Variants in OCLN observed in about 807,000 individuals in gnomAD.
The protein encoded by OCLN is occludin.
In OCLN, 21 loss-of-function variants were observed where a neutral mutation model predicts 47.9. The ratio of observed to expected loss-of-function variants is 0.44; its 90% CI spans 0.31 to 0.63. OCLN has a LOEUF of 0.63. OCLN is among the 30% of genes least tolerant of loss of function. The pLI, the probability that OCLN is intolerant of heterozygous loss-of-function variation, is 0.08. For missense variants in OCLN, 360 were observed against 571.0 expected (o/e 0.63, Z 3.77); for synonymous variants, 117 against 198.4 (o/e 0.59, Z 3.45).
chr5:69,533,906 CG>C (rs1175553393), intron 4 of OCLN, among the ~76,000 whole-genome samples: 1 of 152,184 alleles, frequency 6.6e-6, no homozygotes, highest in Non-Finnish European at 1.5e-5. Flanking sequence ...ATGATCCACC[CG>C]CCTCAGCCTC....
chr5:69,506,351 G>A lies in OCLN; in HGVS notation c.50+2057G>A, dbSNP rs1034085487. Among the ~76,000 whole-genome samples the A allele has an allele frequency of 3.3e-5, 5 of 152,298 alleles. No individual in the cohort carries two copies. The South Asian group carries it at 1.0e-3, about 32-fold the overall frequency. On this transcript the variant is annotated intron_variant, in intron 2 of 8. Transcript: ENST00000396442. ...GCCAACAAACACCAGATGAAGAGGT[G>A]GACAGGGCGAGGTATGTGGGAAGCA...
intron 1 of OCLN, among the ~76,000 whole-genome samples, chr5:69,503,060 A>G (rs1768503178): frequency 6.6e-6 from 1 of 152,172 alleles, no homozygotes; most frequent in African/African-American, 2.4e-5. Flanking sequence ...AAAGTGACTA[A>G]TCAACCATGG....
chr5:69,529,472 T>C (rs1156384475), intron 4 of OCLN, among the ~76,000 whole-genome samples: 1 of 152,362 alleles, frequency 6.6e-6, no homozygotes, highest in East Asian at 1.9e-4. Flanking sequence ...AATAAATTCT[T>C]TCTTGATTGG....
At chr5:69,525,754 G>A (rs1041627876) in intron 4 of OCLN, among the ~76,000 whole-genome samples, 4 of 152,116 alleles carry the variant, frequency 2.6e-5, no homozygotes, top group Non-Finnish European at 4.4e-5. Context: ...TTTCACAAAT[G>A]ACTAACCCTT....
At chr5:69,537,189 C>CTTTTTT (rs1157355945) in intron 5 of OCLN, among the ~76,000 whole-genome samples, 10 of 80,562 alleles carry the variant, frequency 1.2e-4, no homozygotes, top group Non-Finnish European at 2.2e-4. Flanking sequence ...ATTCTATAAG[C>CTTTTTT]TTTTTTTTTT....
At chr5:69,523,629 G>A (rs1025477400) in intron 4 of OCLN, among the ~76,000 whole-genome samples, 3 of 151,468 alleles carry the variant, frequency 2.0e-5, no homozygotes, top group Non-Finnish European at 2.9e-5. Context: ...TCCACCTCCC[G>A]GGTTCAAGCG....
At chr5:69,504,072 C>T in intron 1 of OCLN, 105 bp from the exon 2 acceptor site, 2 of 650,834 alleles carry the variant, frequency 3.1e-6, no homozygotes, top group South Asian at 3.6e-5. Context: ...TGCACTCCAG[C>T]CTGGGTGACA....
At chr5:69,530,372 A>G (rs1040774116) in intron 4 of OCLN, among the ~76,000 whole-genome samples, 1 of 152,088 alleles carries the variant, frequency 6.6e-6, no homozygotes. Context: ...TTCACTTTGT[A>G]TTGCCCCCTC....
At chr5:69,524,535 T>G (rs1769225675) in intron 4 of OCLN, among the ~76,000 whole-genome samples, 1 of 152,232 alleles carries the variant, frequency 6.6e-6, no homozygotes, top group South Asian at 2.1e-4. Flanking sequence ...AGTTAGGTTA[T>G]AGATTAATAC....
chr5:69,498,173 A>C (rs925843193), intron 1 of OCLN, among the ~76,000 whole-genome samples: 1 of 151,530 alleles, frequency 6.6e-6, no homozygotes, highest in Non-Finnish European at 1.5e-5. Context: ...TCTCCTCTAT[A>C]CTGTACTATG....
intron 2 of OCLN, among the ~76,000 whole-genome samples, chr5:69,505,182 G>A (rs1033765530): frequency 3.9e-4 from 59 of 152,260 alleles, no homozygotes; most frequent in African/African-American, 1.3e-3. Context: ...CCCAGGAGGC[G>A]GAGGTTGAGG....
In OCLN at chr5:69,509,273, T is replaced by A; in HGVS notation, c.183T>A (p.Pro61=). ...EILHFYKWTS[P]PGVIRILSML... The stretch of plus-strand genomic sequence containing the variant: ...TTCACTTCTACAAATGGACCTCTCC[T>A]CCAGGAGTGATTCGGATCCTGTCTA... The change falls in exon 3 of 9, where the codon CCT becomes CCA. Residue 61 remains proline (P), a synonymous_variant. Coordinates refer to ENST00000396442, the MANE Select transcript of OCLN (RefSeq NM_001205254.2). 6.2e-7 allele frequency: 1 copy of A among 1,614,218 alleles called. No individual in the cohort carries two copies. The highest frequency in any genetic ancestry group is 1.1e-5 in the South Asian group (1 of 91,082).
intron 7 of OCLN, among the ~76,000 whole-genome samples, chr5:69,549,933 A>G (rs1023553661): frequency 1.5e-4 from 22 of 150,910 alleles, no homozygotes; most frequent in Admixed American, 2.0e-4. Flanking sequence ...AAAACAAACA[A>G]AAAAACTTCC....
At chr5:69,538,041 A>G (rs1054627208) in intron 5 of OCLN, among the ~76,000 whole-genome samples, 1 of 130,646 alleles carries the variant, frequency 7.7e-6, no homozygotes, top group African/African-American at 3.0e-5. Context: ...AAGGAATCTA[A>G]TAAAAAATAT....
intron 2 of OCLN, among the ~76,000 whole-genome samples, chr5:69,504,793 G>T (rs953476045): frequency 1.3e-5 from 2 of 151,968 alleles, no homozygotes; most frequent in African/African-American, 4.8e-5. Context: ...AAATTAGCTG[G>T]CTGTGGTGGC....
At chr5:69,521,876 G>A (rs1414582819) in intron 4 of OCLN, among the ~76,000 whole-genome samples, 1 of 152,146 alleles carries the variant, frequency 6.6e-6, no homozygotes, top group Non-Finnish European at 1.5e-5. Flanking sequence ...TCATAGCATG[G>A]CTTAGTTTTC....
At chr5:69,547,664 A>G (rs1331975607) in intron 6 of OCLN, among the ~76,000 whole-genome samples, 38 of 131,722 alleles carry the variant, frequency 2.9e-4, no homozygotes, top group Admixed American at 2.6e-3. Context: ...TATGACTTGT[A>G]CCTTCAATTT....
chr5:69,503,003 C>T (rs945934252), intron 1 of OCLN, among the ~76,000 whole-genome samples: 2 of 152,204 alleles, frequency 1.3e-5, no homozygotes, highest in African/African-American at 2.4e-5. Flanking sequence ...TCCATATAAC[C>T]TTGAGCATAT....
At chr5:69,549,507 C>T (rs1357515981) in intron 7 of OCLN, among the ~76,000 whole-genome samples, 1 of 145,462 alleles carries the variant, frequency 6.9e-6, no homozygotes, top group African/African-American at 2.5e-5. Flanking sequence ...TTTAAGGAAA[C>T]ATCATCTTCC....
Sources: gnomAD v4.1 joint callset for allele counts (sites outside exome capture counted in the v4.1 genomes callset) on GRCh38, gnomAD v4.1.1 for gene constraint, MANE v1.5 for transcripts, NCBI Gene and HGNC (gene_info 2026-07-23, HGNC 2026-07-21) for gene names.